SBF2: variants seen among roughly 807,000 people sequenced by gnomAD.
The protein encoded by SBF2 is myotubularin-related protein 13.
Under a neutral mutation model 225.2 loss-of-function variants are expected in SBF2, and 112 were observed. That is an observed-to-expected ratio of 0.50 (90% CI 0.43 to 0.58). The LOEUF (loss-of-function observed/expected upper bound fraction) is 0.58. Ranked by LOEUF, SBF2 falls within the 20% of genes least tolerant of loss-of-function variation. SBF2 has a pLI of 0.00. For synonymous variants in SBF2, 763 were observed against 773.3 expected (o/e 0.99, Z 0.22); for missense variants, 1,996 against 2,206.2 (o/e 0.90, Z 1.91).
intron 6 of SBF2, among the ~76,000 whole-genome samples, chr11:10,021,246 A>C (rs1737467935): frequency 6.6e-6 from 1 of 152,240 alleles, no homozygotes; most frequent in Admixed American, 6.5e-5. Flanking sequence ...AGATGTCAAG[A>C]GCATTTTACA....
intron 1 of SBF2, among the ~76,000 whole-genome samples, chr11:10,214,340 T>C (rs573299152): frequency 4.6e-5 from 7 of 152,272 alleles, no homozygotes; most frequent in Admixed American, 1.3e-4. Context: ...AAACAGCCAA[T>C]TGGCCGGGCG....
At chr11:9,844,197 C>T (rs990211633) in intron 24 of SBF2, among the ~76,000 whole-genome samples, 1 of 152,204 alleles carries the variant, frequency 6.6e-6, no homozygotes, top group Non-Finnish European at 1.5e-5. Context: ...TCCCTAGGAA[C>T]TTGCTCATGC....
rs1284766357 is a variant in SBF2, at chr11:10,000,945, T to G, written c.830A>C (p.His277Pro). Residue 277 changes from histidine (H) to proline (P), a missense_variant, in exon 8 of 40, where the codon CAT (histidine) becomes CCT (proline). Transcript: ENST00000256190. ...SSPTPFIIGV[H>P]SVFKTDVHEL... Reference sequence around the variant, plus strand: ...ATGGACATCAGTTTTAAAGACAGAATGTACTCCAATAATGAAAGGCGTTGG... The same window carrying G: ...ATGGACATCAGTTTTAAAGACAGAAGGTACTCCAATAATGAAAGGCGTTGG... 3.1e-6 allele frequency: 5 copies of G among 1,601,492 alleles called. No individual in the cohort carries two copies. The highest frequency in any genetic ancestry group is 4.3e-6 in the Non-Finnish European group (5 of 1,168,754).
chr11:9,963,219 C>T (rs935007977), intron 15 of SBF2, among the ~76,000 whole-genome samples: 26 of 152,200 alleles, frequency 1.7e-4, no homozygotes, highest in Non-Finnish European at 4.4e-5. Context: ...AATCCCAGCA[C>T]TTTGGGAGGC....
chr11:9,897,576 T>C (rs780350078), intron 16 of SBF2, among the ~76,000 whole-genome samples: 54 of 152,164 alleles, frequency 3.5e-4, no homozygotes, highest in Non-Finnish European at 6.3e-4. Context: ...GGGTCCAATG[T>C]GGCCAGAATC....
intron 1 of SBF2, among the ~76,000 whole-genome samples, chr11:10,264,916 C>T (rs1022608638): frequency 1.1e-4 from 16 of 152,062 alleles, no homozygotes; most frequent in Admixed American, 9.8e-4. Flanking sequence ...TGAACCCAAC[C>T]TTTTTTAAGG....
chr11:9,995,742 C>T (rs1947665975), intron 9 of SBF2, among the ~76,000 whole-genome samples: 1 of 151,442 alleles, frequency 6.6e-6, no homozygotes, highest in African/African-American at 2.4e-5. Context: ...CCTCCGCCTC[C>T]TGGGTTCAAG....
chr11:9,781,691 A>G, intron 38 of SBF2, 53 bp from the exon 39 acceptor site: 2 of 1,610,328 alleles, frequency 1.2e-6, no homozygotes, highest in Admixed American at 1.7e-5. Flanking sequence ...AGAAAATGCC[A>G]TGGCTTTTCA....
chr11:9,850,966 C>T (rs558815291), intron 21 of SBF2, among the ~76,000 whole-genome samples: 67 of 151,734 alleles, frequency 4.4e-4, no homozygotes, highest in Non-Finnish European at 6.6e-4. Flanking sequence ...TGAAACCCTG[C>T]CTCTACTAAA....
At chr11:10,223,443 A>ATATATATATATATATATATATAT (rs57185157) in intron 1 of SBF2, among the ~76,000 whole-genome samples, 1 of 124,268 alleles carries the variant, frequency 8.0e-6, no homozygotes, top group African/African-American at 3.2e-5. Context: ...ATATATATAT[A>ATATATATATATATATATATATAT]GTATTCTTAC....
Position 9,989,485 on chromosome 11 carries a change from A to G in SBF2, c.1395+12T>C, listed in dbSNP as rs372521180. On this transcript the variant is annotated intron_variant, in intron 13 of 39. Transcript: ENST00000256190. ...AAAATTAATGACTGTCTAAATAAAT[A>G]TACTTACTTACATTTTTGAATAGTT... 2.1e-6 allele frequency: 3 copies of G among 1,454,798 alleles called. No individual in the cohort carries two copies. The African/African-American group carries it at 4.2e-5, about 20-fold the overall frequency. 90.1% of individuals were successfully genotyped at this position (1,454,798 alleles called of 1,614,324 possible).
chr11:10,100,794 G>C (rs568347243), intron 2 of SBF2, among the ~76,000 whole-genome samples: 9 of 152,132 alleles, frequency 5.9e-5, no homozygotes, highest in African/African-American at 2.2e-4. Context: ...GCTCCATCAG[G>C]GGTCTTGGTT....
At chr11:10,173,495 G>A (rs1956309662) in intron 2 of SBF2, among the ~76,000 whole-genome samples, 1 of 152,218 alleles carries the variant, frequency 6.6e-6, no homozygotes, top group Non-Finnish European at 1.5e-5. Flanking sequence ...TCCCCCACCT[G>A]GCTGGGAGGG....
intron 1 of SBF2, among the ~76,000 whole-genome samples, chr11:10,232,413 T>G (rs1227902445): frequency 6.6e-6 from 1 of 152,198 alleles, no homozygotes; most frequent in Non-Finnish European, 1.5e-5. Flanking sequence ...CTGGGAGCTG[T>G]AGACTGGAGC....
chr11:9,855,493 G>T (rs2133997969), intron 19 of SBF2, among the ~76,000 whole-genome samples: 1 of 152,308 alleles, frequency 6.6e-6, no homozygotes, highest in African/African-American at 2.4e-5. Flanking sequence ...GAACTACCAG[G>T]ATGTTGCGGC....
chr11:9,785,903 A>G (rs1045037867), intron 36 of SBF2, among the ~76,000 whole-genome samples: 6 of 151,954 alleles, frequency 3.9e-5, no homozygotes, highest in Admixed American at 2.6e-4. Context: ...GTCTCACTCT[A>G]TCGCCCAGGC....
At chr11:10,245,482 CA>C (rs899329822) in intron 1 of SBF2, among the ~76,000 whole-genome samples, 30 of 150,448 alleles carry the variant, frequency 2.0e-4, no homozygotes, top group Non-Finnish European at 2.8e-4. Flanking sequence ...TATTATTAAA[CA>C]AAAAAAAAGA....
chr11:9,924,538 T>A (rs1401546932), intron 16 of SBF2, among the ~76,000 whole-genome samples: 1 of 152,018 alleles, frequency 6.6e-6, no homozygotes, highest in Non-Finnish European at 1.5e-5. Context: ...TTCAAGCAAT[T>A]CTCCTGCCTC....
At chr11:9,847,632 T>C (rs983917497) in intron 22 of SBF2, among the ~76,000 whole-genome samples, 1 of 152,166 alleles carries the variant, frequency 6.6e-6, no homozygotes, top group Non-Finnish European at 1.5e-5. Flanking sequence ...GTAAAAGATG[T>C]TATACTATAT....
Sources: gnomAD v4.1 joint callset for allele counts (sites outside exome capture counted in the v4.1 genomes callset) on GRCh38, gnomAD v4.1.1 for gene constraint, MANE v1.5 for transcripts, NCBI Gene and HGNC (gene_info 2026-07-23, HGNC 2026-07-21) for gene names.